TRDN: variants seen among roughly 807,000 people sequenced by gnomAD.
TRDN encodes the protein triadin in skeletal muscle.
TRDN carries 161 observed loss-of-function variants against 149.7 expected under a neutral mutation model. The ratio of observed to expected loss-of-function variants is 1.08; its 90% CI spans 0.95 to 1.23. TRDN has a LOEUF of 1.23. Among genes scored for constraint, TRDN ranks in the 50% most tolerant of loss-of-function variants. TRDN has a pLI of 0.00. For synonymous variants in TRDN, 294 were observed against 250.5 expected, an observed-to-expected ratio of 1.17 and a Z score of -1.64; for missense variants, 896 against 823.5, an observed-to-expected ratio of 1.09 and a Z score of -1.08.
intron 2 of TRDN, among the ~76,000 whole-genome samples, chr6:123,555,279 C>G (rs1189046414): frequency 6.6e-6 from 1 of 152,042 alleles, no homozygotes; most frequent in African/African-American, 2.4e-5. Context: ...AGATTTCAAC[C>G]TCTTAGAGCC....
chr6:123,294,677 C>T (rs1445323542), intron 24 of TRDN, among the ~76,000 whole-genome samples: 4 of 151,842 alleles, frequency 2.6e-5, no homozygotes, highest in East Asian at 3.9e-4. Context: ...GCTTGTCCAT[C>T]GCTCACATCC....
At chr6:123,631,058 G>T (rs971582632) in intron 1 of TRDN, among the ~76,000 whole-genome samples, 3 of 150,208 alleles carry the variant, frequency 2.0e-5, no homozygotes, top group African/African-American at 7.3e-5. Context: ...TCCCAGCTCT[G>T]CACTATATTT....
intron 2 of TRDN, 135 bp from the exon 3 acceptor site, chr6:123,548,747 C>G: frequency 1.2e-6 from 1 of 813,396 alleles, no homozygotes; most frequent in Non-Finnish European, 1.7e-6. Context: ...TATCTCCTGG[C>G]TACAATTTTT....
At chr6:123,629,429 G>A (rs867847579) in intron 1 of TRDN, among the ~76,000 whole-genome samples, 4 of 152,070 alleles carry the variant, frequency 2.6e-5, no homozygotes, top group Admixed American at 6.6e-5. Context: ...CAGCAAATGC[G>A]TAGCAAAGAT....
intron 6 of TRDN, among the ~76,000 whole-genome samples, chr6:123,512,943 C>T (rs1274541670): frequency 6.6e-6 from 1 of 152,104 alleles, no homozygotes; most frequent in East Asian, 1.9e-4. Context: ...TAATAATGTA[C>T]ATCAGCTTTA....
chr6:123,505,306 T>G (rs1239931258), intron 7 of TRDN, among the ~76,000 whole-genome samples: 1 of 151,316 alleles, frequency 6.6e-6, no homozygotes, highest in Non-Finnish European at 1.5e-5. Flanking sequence ...GTTTCTTGAC[T>G]TTGGTACCCT....
intron 9 of TRDN, among the ~76,000 whole-genome samples, chr6:123,467,305 G>T (rs2114720449): frequency 6.7e-6 from 1 of 148,980 alleles, no homozygotes; most frequent in South Asian, 2.2e-4. Context: ...CAGGTGGAAG[G>T]TATGTGGTAA....
At chr6:123,323,302 G>A (rs1042183147) in intron 23 of TRDN, among the ~76,000 whole-genome samples, 2 of 151,946 alleles carry the variant, frequency 1.3e-5, no homozygotes, top group Non-Finnish European at 2.9e-5. Context: ...GTGGCTACAC[G>A]AACTAATTTG....
At chr6:123,527,216 T>C (rs889705084) in intron 5 of TRDN, among the ~76,000 whole-genome samples, 2 of 152,042 alleles carry the variant, frequency 1.3e-5, no homozygotes, top group African/African-American at 4.8e-5. Flanking sequence ...AATATCTGAG[T>C]ATTTACCACG....
chr6:123,407,374 C>T (rs1379045821), intron 12 of TRDN, among the ~76,000 whole-genome samples: 1 of 152,190 alleles, frequency 6.6e-6, no homozygotes, highest in Non-Finnish European at 1.5e-5. Context: ...TCTTCACAGT[C>T]AACCACTTTT....
At chr6:123,558,109 G>A (rs1378498650) in intron 2 of TRDN, among the ~76,000 whole-genome samples, 2 of 151,996 alleles carry the variant, frequency 1.3e-5, no homozygotes, top group Non-Finnish European at 2.9e-5. Context: ...GGTGCCTGAC[G>A]TCCAGGCATT....
At chr6:123,228,536 A>G (rs1775474052) in intron 38 of TRDN, among the ~76,000 whole-genome samples, 1 of 151,810 alleles carries the variant, frequency 6.6e-6, no homozygotes, top group African/African-American at 2.4e-5. Flanking sequence ...CCTTTATAAA[A>G]CCCTCAGATC....
intron 1 of TRDN, among the ~76,000 whole-genome samples, chr6:123,571,464 G>A (rs2114539827): frequency 6.6e-6 from 1 of 151,696 alleles, no homozygotes; most frequent in South Asian, 2.1e-4. Context: ...CCCATCTAGT[G>A]AGGTCATCTA....
At chr6:123,312,280 T>C (rs998637862) in intron 24 of TRDN, among the ~76,000 whole-genome samples, 1 of 151,872 alleles carries the variant, frequency 6.6e-6, no homozygotes, top group African/African-American at 2.4e-5. Context: ...TTCTGACCCA[T>C]TTGCATTTAT....
At chr6:123,318,655 A>G (rs1214618424) in intron 23 of TRDN, among the ~76,000 whole-genome samples, 1 of 152,098 alleles carries the variant, frequency 6.6e-6, no homozygotes, top group Non-Finnish European at 1.5e-5. Context: ...CATCAATAAT[A>G]GGTATCTATT....
intron 1 of TRDN, among the ~76,000 whole-genome samples, chr6:123,630,922 GC>G (rs746673156): frequency 5.9e-5 from 9 of 151,846 alleles, no homozygotes; most frequent in Non-Finnish European, 8.8e-5. Context: ...TTCTTTTGAG[GC>G]CCCATCCTCC....
At chr6:123,608,521 C>T (rs1364683119) in intron 1 of TRDN, among the ~76,000 whole-genome samples, 2 of 152,062 alleles carry the variant, frequency 1.3e-5, no homozygotes, top group Non-Finnish European at 2.9e-5. Context: ...GGTTATAACT[C>T]ATTTGAATTT....
chr6:123,462,049 C>G (rs1188084589), intron 10 of TRDN, among the ~76,000 whole-genome samples: 2 of 152,088 alleles, frequency 1.3e-5, no homozygotes, highest in Non-Finnish European at 2.9e-5. Context: ...TAATTAAATA[C>G]AAATTTACAA....
intron 24 of TRDN, among the ~76,000 whole-genome samples, chr6:123,310,600 G>A (rs1039303101): frequency 5.3e-5 from 8 of 152,098 alleles, no homozygotes; most frequent in African/African-American, 1.4e-4. Flanking sequence ...GAAAGGTGAA[G>A]GATGTAAAGC....
Sources: allele counts gnomAD v4.1 joint callset (sites outside exome capture counted in the v4.1 genomes callset), GRCh38; gene constraint gnomAD v4.1.1; transcripts MANE v1.5; gene names NCBI Gene and HGNC (gene_info 2026-07-23, HGNC 2026-07-21).